AGO2: variants seen among roughly 807,000 people sequenced by gnomAD.
AGO2 encodes the protein protein argonaute-2.
AGO2 carries 5 observed loss-of-function variants against 102.3 expected under a neutral mutation model. That is an observed-to-expected ratio of 0.05 (90% confidence interval 0.03 to 0.10). The LOEUF (loss-of-function observed/expected upper bound fraction) is 0.10, where lower values mean the gene tolerates loss of function less well. Among genes scored for constraint, AGO2 ranks in the 10% least tolerant of loss-of-function variants. The probability of loss-of-function intolerance (pLI) is 1.00; values close to 1 mark genes in which losing one functional copy is unlikely to be tolerated. For synonymous variants in AGO2, 449 were observed against 473.1 expected (o/e 0.95, Z 0.66); for missense variants, 541 against 1,183.7 (o/e 0.46, Z 7.97).
intron 15 of AGO2, 46 bp downstream of exon 15, chr8:140,541,118 T>C: frequency 6.7e-7 from 1 of 1,482,988 alleles, no homozygotes; most frequent in Non-Finnish European, 9.0e-7. Flanking sequence ...AACAGGTGAA[T>C]TACAGACCCC....
At chr8:140,590,897 G>T (rs1179029361) in intron 1 of AGO2, among the ~76,000 whole-genome samples, 2 of 152,178 alleles carry the variant, frequency 1.3e-5, no homozygotes, top group Non-Finnish European at 2.9e-5. Context: ...GACCTCATGG[G>T]TCCCAGCTTA....
chr8:140,532,489 G>T lies in AGO2; in HGVS notation c.2398C>A (p.Pro800Thr). Residue 800 changes from proline to threonine, a missense_variant, in exon 18 of 19, where the codon CCA becomes ACA. Pro to Thr is a conservative substitution (Grantham distance 38). Transcript: ENST00000220592. ...YVRCTRSVSI[P>T]APAYYAHLVA... is the part of the protein sequence containing the mutation. ...AGGTGAGCGTAGTATGCTGGCGCTG[G>T]GATGGACACGGAGCGTGTGCAGCGC... The T allele has an allele frequency of 6.2e-7, 1 of 1,614,284 alleles. No homozygotes were observed. Among genetic ancestry groups the T allele is most frequent in the Non-Finnish European group, 8.5e-7 (1 of 1,180,060 alleles).
chr8:140,560,609 TCAG>T, intron 4 of AGO2, 99 bp from the exon 5 acceptor site: 1 of 1,404,498 alleles, frequency 7.1e-7, no homozygotes. Context: ...CACACCCTCA[TCAG>T]AGTTCCGTTT....
chr8:140,588,449 TAA>T (rs2133020909), intron 1 of AGO2, among the ~76,000 whole-genome samples: 1 of 152,260 alleles, frequency 6.6e-6, no homozygotes, highest in Admixed American at 6.5e-5. Context: ...TATCTTAATT[TAA>T]AAATACTTTA....
At position 140,600,371 on chromosome 8, in the gene AGO2, G is replaced by A. The variant is rs1027301925; in HGVS notation, c.23-15060C>T. On this transcript the variant is annotated intron_variant, in intron 1 of 18. Transcript: ENST00000220592. ...TCCTGCAGCACACGGAGGAGTCAGC[G>A]TCATGGGGTCTACAGATCCAAAACA... Among the ~76,000 whole-genome samples the A allele has an allele frequency of 5.3e-5, 8 of 152,282 alleles. No homozygotes were observed. In the South Asian group the frequency reaches 6.2e-4, roughly 12 times the overall value.
rs1387955791 is a variant in AGO2 at position 140,585,163 on chromosome 8, A to T, written c.171T>A (p.Tyr57Ter). 1 of 1,614,208 alleles carries T rather than the reference A, an allele frequency of 6.2e-7. No homozygotes were observed. The highest frequency in any genetic ancestry group is 2.2e-5 in the East Asian group (1 of 44,886). ...MDIPKIDIYH[Y>*]ELDIKPEKCP... ...ACTTCTCTGGCTTGATATCCAATTC[A>T]TAATGATAGATGTCAATTTTGGGGA... The change falls in exon 2 of 19, where the codon TAT becomes TAA. Residue 57 changes from tyrosine to a stop codon, truncating the protein, a stop_gained. Coordinates refer to ENST00000220592, the MANE Select transcript of AGO2 (RefSeq NM_012154.5). LOFTEE classifies it high-confidence loss of function.
At chr8:140,632,322 G>A (rs1436653000) in intron 1 of AGO2, among the ~76,000 whole-genome samples, 2 of 152,246 alleles carry the variant, frequency 1.3e-5, no homozygotes, top group Non-Finnish European at 2.9e-5. Flanking sequence ...ACTGCCCCAC[G>A]GGTAGAGGGT....
chr8:140,579,957 G>A (rs1402977727), intron 2 of AGO2, among the ~76,000 whole-genome samples: 2 of 152,232 alleles, frequency 1.3e-5, no homozygotes, highest in Non-Finnish European at 2.9e-5. Context: ...GCCACTTGAC[G>A]GAGCTCAAGA....
At chr8:140,584,485 G>T (rs186160611) in intron 2 of AGO2, among the ~76,000 whole-genome samples, 34 of 152,276 alleles carry the variant, frequency 2.2e-4, no homozygotes, top group Non-Finnish European at 3.8e-4. Flanking sequence ...CTACTCCTAG[G>T]TATTTATTTA....
At chr8:140,546,595 C>T (rs896543845) in intron 13 of AGO2, among the ~76,000 whole-genome samples, 11 of 152,346 alleles carry the variant, frequency 7.2e-5, no homozygotes, top group African/African-American at 2.6e-4. Flanking sequence ...GCAGATTTAG[C>T]GCACTGCCTG....
At position 140,589,059 on chromosome 8, in the gene AGO2, G is replaced by A. The variant is rs968278121; in HGVS notation, c.23-3748C>T. 5.3e-5 allele frequency among the ~76,000 whole-genome samples: 8 copies of A among 152,230 alleles called. No individual in the cohort carries two copies. The highest frequency in any genetic ancestry group is 1.4e-4 in the African/African-American group (6 of 41,470). ...ACAGCGGACGTCAGCAGAGGTGGGC[G>A]GCAGGCGAGCCTCCTGCAGGAGCAG... On this transcript the variant is annotated intron_variant, in intron 1 of 18. Transcript: ENST00000220592. This position sits in a 1 kb window ranked among gnomAD's most constrained non-coding sequence, Gnocchi z 4.2.
chr8:140,557,547 TC>T lies in AGO2; in HGVS notation c.879-312del, dbSNP rs1239422703. 6.6e-6 allele frequency among the ~76,000 whole-genome samples: 1 copy of T among 152,218 alleles called. No homozygotes were observed. Among genetic ancestry groups the T allele is most frequent in the Non-Finnish European group, 1.5e-5 (1 of 68,044 alleles). On this transcript the variant is annotated intron_variant, in intron 7 of 18. Transcript: ENST00000220592. This position sits in a 1 kb window ranked among gnomAD's most constrained non-coding sequence, Gnocchi z 5.9. The stretch of plus-strand genomic sequence containing the variant: ...CACGACCAGAAAGGCCTGCGCGTCT[TC>T]CAGCAGACCGTGGTGACCCTGGAAG...
At chr8:140,550,656 AC>A (rs919092153) in intron 11 of AGO2, among the ~76,000 whole-genome samples, 1 of 151,690 alleles carries the variant, frequency 6.6e-6, no homozygotes, top group African/African-American at 2.4e-5. Flanking sequence ...TTGCTTTTTC[AC>A]CCAGGGTGGA....
Position 140,529,324 on chromosome 8 carries a change from T to A in AGO2, c.*2720A>T, listed in dbSNP as rs975482544. ...TTACCCTACTGTACTTTGAGGTTTT[T>A]ACACTGTCTCAAAATTTATCCTAAT... On this transcript the variant is annotated 3_prime_UTR_variant, in exon 19 of 19. Coordinates refer to ENST00000220592, the MANE Select transcript of AGO2 (RefSeq NM_012154.5). 23 of 152,224 alleles carry A rather than the reference T, an allele frequency of 1.5e-4. No individual in the cohort carries two copies. The highest frequency in any genetic ancestry group is 5.5e-4 in the African/African-American group (23 of 41,452). 9.4% of individuals were successfully genotyped at this position (152,224 alleles called of 1,614,324 possible).
chr8:140,527,549 C>G lies in AGO2; in HGVS notation c.*4495G>C, dbSNP rs998456958. ...CAGGGGCACCCCCATGACAAAGTCA[C>G]AGGTGCACTGCATCCGCACCGAGAA... is the stretch of plus-strand genomic sequence containing the variant. On this transcript the variant is annotated 3_prime_UTR_variant, in exon 19 of 19. Transcript: ENST00000220592. This position sits in a 1 kb window ranked among gnomAD's most constrained non-coding sequence, Gnocchi z 6.0. 6 of 153,050 alleles carry G rather than the reference C, an allele frequency of 3.9e-5. No homozygotes were observed. The highest frequency in any genetic ancestry group is 8.8e-5 in the Non-Finnish European group (6 of 68,042). The allele number at this position is 153,050 out of a possible 1,614,324, so 9.5% of individuals were successfully genotyped here. A position where few individuals can be genotyped will look rare whatever the true frequency, so the allele number is the denominator to read the frequency against.
Position 140,567,301 on chromosome 8 carries a change from G to T in AGO2, c.337-4667C>A, listed in dbSNP as rs980123606. ...TAGGGCTGCATGGAGATTTTACGAC[G>T]GCCATCACGCCACGAGGGCAGGAGG... is the stretch of plus-strand genomic sequence containing the variant. On this transcript the variant is annotated intron_variant, in intron 3 of 18. Coordinates refer to ENST00000220592, the MANE Select transcript of AGO2 (RefSeq NM_012154.5). The surrounding 1 kb of genome is among the most constrained non-coding windows in gnomAD (Gnocchi z 5.0). 6.6e-6 allele frequency among the ~76,000 whole-genome samples: 1 copy of T among 152,232 alleles called. No homozygotes were observed. The highest frequency in any genetic ancestry group is 2.4e-5 in the African/African-American group (1 of 41,464).
intron 3 of AGO2, among the ~76,000 whole-genome samples, chr8:140,566,904 G>A (rs569970049): frequency 1.3e-5 from 2 of 152,308 alleles, no homozygotes; most frequent in East Asian, 1.9e-4. Context: ...TCCAGGTCAC[G>A]GCGTGCAAGT....
chr8:140,569,964 C>G (rs192447309), intron 3 of AGO2, among the ~76,000 whole-genome samples: 43 of 152,308 alleles, frequency 2.8e-4, no homozygotes, highest in Admixed American at 2.5e-3. Context: ...CCGCTCTTAC[C>G]ACAAGTGAGG....
intron 3 of AGO2, among the ~76,000 whole-genome samples, chr8:140,564,181 G>A (rs1422596144): frequency 6.6e-6 from 1 of 152,222 alleles, no homozygotes; most frequent in Non-Finnish European, 1.5e-5. Flanking sequence ...GGGCGCCGCA[G>A]CACGATTCCT....
Sources: allele counts gnomAD v4.1 joint callset (sites outside exome capture counted in the v4.1 genomes callset), GRCh38; gene constraint gnomAD v4.1.1; non-coding constraint Gnocchi (gnomAD v3.1); transcripts MANE v1.5; gene names NCBI Gene and HGNC (gene_info 2026-07-23, HGNC 2026-07-21).